CAPS2: variants seen among roughly 807,000 people sequenced by gnomAD.
CAPS2 encodes the protein calcyphosine 2.
Under a neutral mutation model 86.5 loss-of-function variants are expected in CAPS2, and 98 were observed. That is an observed-to-expected ratio of 1.13 (90% CI 0.96 to 1.34). CAPS2 has a LOEUF of 1.34. CAPS2 is among the 40% of genes most tolerant of loss of function. The pLI is 0.00. For missense variants in CAPS2, 729 were observed against 686.8 expected (o/e 1.06, Z -0.69); for synonymous variants, 210 against 225.1 (o/e 0.93, Z 0.60).
upstream of CAPS2, among the ~76,000 whole-genome samples, chr12:75,329,067 T>TACTTCGCTAA (rs2139130740): frequency 6.6e-6 from 1 of 152,334 alleles, no homozygotes; most frequent in East Asian, 1.9e-4. Flanking sequence ...AAGTGAACTG[T>TACTTCGCTAA]ACTTCGCTAA....
intron 15 of CAPS2, 107 bp downstream of exon 15, chr12:75,284,854 A>G: frequency 1.9e-6 from 2 of 1,058,344 alleles, no homozygotes; most frequent in East Asian, 5.6e-5. Context: ...CCAACATATA[A>G]GTAAATAGAT....
At chr12:75,294,305 C>T (rs2138392668) in intron 11 of CAPS2, among the ~76,000 whole-genome samples, 1 of 152,168 alleles carries the variant, frequency 6.6e-6, no homozygotes, top group South Asian at 2.1e-4. Flanking sequence ...GAAGGATGTC[C>T]CTCCCCTCCA....
At chr12:75,280,033 A>C (rs1188466798) in intron 16 of CAPS2, among the ~76,000 whole-genome samples, 2 of 151,880 alleles carry the variant, frequency 1.3e-5, no homozygotes, top group Non-Finnish European at 2.9e-5. Context: ...ATCACCTATA[A>C]CTAAATTTTT....
chr12:75,316,752 T>TA (rs2039811098), intron 5 of CAPS2, among the ~76,000 whole-genome samples: 3 of 152,296 alleles, frequency 2.0e-5, no homozygotes, highest in Admixed American at 2.0e-4. Flanking sequence ...AAGCATTAAA[T>TA]AAAAGTTAGC....
intron 11 of CAPS2, chr12:75,294,968 G>A (rs932835421): frequency 3.3e-5 from 5 of 152,260 alleles, no homozygotes; most frequent in African/African-American, 4.8e-5. Flanking sequence ...CCTCACTGGG[G>A]AGAGGGAAAT....
chr12:75,315,018 GT>G (rs2138869490), intron 6 of CAPS2, among the ~76,000 whole-genome samples: 1 of 152,252 alleles, frequency 6.6e-6, no homozygotes, highest in South Asian at 2.1e-4. Context: ...AAATAAAGAA[GT>G]TTTCACCTAC....
At chr12:75,321,634 T>G in intron 4 of CAPS2, 58 bp from the exon 5 acceptor site, 1 of 1,286,618 alleles carries the variant, frequency 7.8e-7, no homozygotes, top group Non-Finnish European at 1.1e-6. Flanking sequence ...ATTTTCCTTA[T>G]TGGCATTAAC....
downstream of CAPS2, chr12:75,276,617 T>G (rs1281789784): frequency 1.1e-6 from 1 of 898,682 alleles, no homozygotes; most frequent in African/African-American, 1.8e-5. Context: ...TAGCTTAAAA[T>G]TCCTATATAA....
In CAPS2 at chr12:75,288,200, G is replaced by A. The variant is rs576475304; in HGVS notation, c.1395+1421C>T. On this transcript the variant is annotated intron_variant, in intron 14 of 16. Coordinates refer to ENST00000393284, the Ensembl canonical transcript of CAPS2. ...TTGTTGTTGTTTTAATCTACAAAAC[G>A]AAGAGAGGAAGTTAGATGATCCCTA... 7.9e-5 allele frequency among the ~76,000 whole-genome samples: 12 copies of A among 152,208 alleles called. No homozygotes were observed. The South Asian group carries it at 1.0e-3, about 13-fold the overall frequency.
At chr12:75,377,194 A>C (rs2044695782) in intron 1 of CAPS2, among the ~76,000 whole-genome samples, 2 of 152,186 alleles carry the variant, frequency 1.3e-5, no homozygotes. Context: ...AATCAGATTA[A>C]GCAGCCAACT....
chr12:75,285,678 CATCT>C, intron 14 of CAPS2, among the ~76,000 whole-genome samples: 1 of 151,832 alleles, frequency 6.6e-6, no homozygotes. Context: ...TATATCTATA[CATCT>C]ATCTACCTAT....
At chr12:75,331,665 G>A (rs374886375), upstream of CAPS2, among the ~76,000 whole-genome samples, 3 of 150,786 alleles carry the variant, frequency 2.0e-5, no homozygotes, top group Middle Eastern at 3.4e-3. Context: ...CCGGGTTCAC[G>A]CCATTCTCCT....
At chr12:75,384,409 A>G (rs1244420344) in intron 1 of CAPS2, among the ~76,000 whole-genome samples, 1 of 152,140 alleles carries the variant, frequency 6.6e-6, no homozygotes, top group Non-Finnish European at 1.5e-5. Context: ...ATCTAGATGA[A>G]CGGGCCACTT....
exon 17 of CAPS2, chr12:75,277,578 T>C: frequency 2.1e-6 from 2 of 967,568 alleles, no homozygotes; most frequent in Non-Finnish European, 2.5e-6. Flanking sequence ...TTTACACATA[T>C]TTTCCCTCTC....
At chr12:75,313,948 C>T (rs540124639) in intron 6 of CAPS2, among the ~76,000 whole-genome samples, 31 of 152,284 alleles carry the variant, frequency 2.0e-4, no homozygotes, top group Non-Finnish European at 3.7e-4. Flanking sequence ...GAGACAGGCT[C>T]TTGCTATGTT....
upstream of CAPS2, among the ~76,000 whole-genome samples, chr12:75,332,509 G>A (rs1288182818): frequency 6.6e-6 from 1 of 152,082 alleles, no homozygotes; most frequent in Non-Finnish European, 1.5e-5. Context: ...TAGAAAAAGT[G>A]AAATATATAA....
chr12:75,301,385 G>T (rs959060018), intron 8 of CAPS2, among the ~76,000 whole-genome samples: 21 of 152,196 alleles, frequency 1.4e-4, no homozygotes, highest in African/African-American at 4.6e-4. Context: ...AGCCATGGGA[G>T]TGTAACCATC....
chr12:75,388,336 T>A (rs1315969440), intron 1 of CAPS2, among the ~76,000 whole-genome samples: 1 of 152,202 alleles, frequency 6.6e-6, no homozygotes, highest in African/African-American at 2.4e-5. Context: ...TGGGTCTGTC[T>A]TTATTAGTGG....
intron 13 of CAPS2, among the ~76,000 whole-genome samples, chr12:75,291,256 T>C (rs912017809): frequency 6.6e-6 from 1 of 151,742 alleles, no homozygotes; most frequent in Admixed American, 6.6e-5. Context: ...CTAGCTTTTT[T>C]TTCTTTTACA....
Sources: gnomAD v4.1 joint callset for allele counts (sites outside exome capture counted in the v4.1 genomes callset) on GRCh38, gnomAD v4.1.1 for gene constraint, MANE v1.5 for transcripts, NCBI Gene and HGNC (gene_info 2026-07-23, HGNC 2026-07-21) for gene names.